The following FIGNL2 variants were observed in gnomAD, a reference collection of about 807,000 sequenced individuals.
The protein encoded by FIGNL2 is fidgetin like 2.
For synonymous variants in FIGNL2, 565 were observed against 484.0 expected, an observed-to-expected ratio of 1.17 and a Z score of -2.20; for missense variants, 1,060 against 950.2, an observed-to-expected ratio of 1.12 and a Z score of -1.52.
At position 51,834,326 on chromosome 12, in the gene FIGNL2, C is replaced by T. The variant is rs377171574; in HGVS notation, c.-11-11902G>A. ...TCTGTGAACACCAGAGGAAAGTGTC[C>T]AGCCCCCAAAGGCACCTATCTCAGC... On this transcript the variant is annotated intron_variant, in intron 1 of 1. Transcript: ENST00000618634. Among the ~76,000 whole-genome samples the T allele has an allele frequency of 2.6e-5, 4 of 152,020 alleles. No homozygotes were observed. The South Asian group carries it at 6.2e-4, about 24-fold the overall frequency.
chr12:51,846,283 T>C (rs1048915368), intron 1 of FIGNL2, among the ~76,000 whole-genome samples: 1 of 152,084 alleles, frequency 6.6e-6, no homozygotes, highest in Admixed American at 6.6e-5. Flanking sequence ...TGACAGAAGC[T>C]CGGGGCTGGG....
intron 1 of FIGNL2, among the ~76,000 whole-genome samples, chr12:51,831,148 G>A (rs1257133978): frequency 2.6e-5 from 4 of 152,020 alleles, no homozygotes; most frequent in African/African-American, 9.7e-5. Context: ...TTGTGCAAAT[G>A]AAGAATTACA....
Position 51,821,889 on chromosome 12 carries a change from C to A in FIGNL2, c.525G>T (p.Thr175=), listed in dbSNP as rs768216876. Residue 175 remains threonine (T), a synonymous_variant, in exon 2 of 2, where the codon ACG becomes ACT. Transcript: ENST00000618634. ...GYLAPGYCAQ[T]GAALPPPPPA... ...GGGGCGGCGGGGGCAGCGCGGCGCC[C>A]GTCTGCGCGCAGTAACCCGGCGCCA... The A allele has an allele frequency of 3.6e-6, 5 of 1,395,368 alleles. No homozygotes were observed. Among genetic ancestry groups the A allele is most frequent in the South Asian group, 3.3e-5 (2 of 60,138 alleles). 86.4% of individuals were successfully genotyped at this position (1,395,368 alleles called of 1,614,324 possible).
Position 51,820,911 on chromosome 12 carries a change from G to A in FIGNL2, c.1503C>T (p.Asp501=). 1 of 1,331,216 alleles carries A rather than the reference G, an allele frequency of 7.5e-7. No individual in the cohort carries two copies. Among genetic ancestry groups the A allele is most frequent in the African/African-American group, 1.6e-5 (1 of 64,438 alleles). 82.5% of individuals were successfully genotyped at this position (1,331,216 alleles called of 1,614,324 possible). ...GCGCGCCCCCTGCCGCCGCGCCGTC[G>A]TCCCGGGCGGGGAGCAGCGCCTCTA... ...SELEALLPAR[D]DGAAAGGALQ... is the part of the protein sequence containing the mutation. Residue 501 remains aspartate (D), a synonymous_variant, in exon 2 of 2, where the codon GAC becomes GAT. Transcript: ENST00000618634.
intron 1 of FIGNL2, among the ~76,000 whole-genome samples, chr12:51,833,867 T>C (rs1467385381): frequency 6.6e-6 from 1 of 152,130 alleles, no homozygotes; most frequent in Non-Finnish European, 1.5e-5. Flanking sequence ...GGACTTTGTT[T>C]TGTTCACTGT....
intron 1 of FIGNL2, chr12:51,835,633 A>G (rs1039702053): frequency 3.3e-5 from 5 of 152,198 alleles, no homozygotes; most frequent in Non-Finnish European, 5.9e-5. Flanking sequence ...TACTAGCCAC[A>G]TTCCATATGT....
chr12:51,848,586 C>A lies in FIGNL2; in HGVS notation c.-58G>T. The A allele has an allele frequency of 1.0e-6, 1 of 976,134 alleles. No individual in the cohort carries two copies. Among genetic ancestry groups the A allele is most frequent in the South Asian group, 4.7e-5 (1 of 21,120 alleles). 60.5% of individuals were successfully genotyped at this position (976,134 alleles called of 1,614,324 possible). On this transcript the variant is annotated 5_prime_UTR_variant, in exon 1 of 2. Coordinates refer to ENST00000618634, the MANE Select transcript of FIGNL2 (RefSeq NM_001384995.1). ...TAGGTGAGTGTGCGCGGCCTGGGGG[C>A]GCGTCCGGCCCGGGGACCGGGGCGG...
chr12:51,821,747 G>A lies in FIGNL2; in HGVS notation c.667C>T (p.Pro223Ser). 7.8e-7 allele frequency: 1 copy of A among 1,287,462 alleles called. No homozygotes were observed. Among genetic ancestry groups the A allele is most frequent in the South Asian group, 2.6e-5 (1 of 37,880 alleles). 79.8% of individuals were successfully genotyped at this position (1,287,462 alleles called of 1,614,324 possible). The change falls in exon 2 of 2, where the codon CCA (proline) becomes TCA (serine). Residue 223 changes from proline (P) to serine (S), a missense_variant. Physicochemically the swap from Pro to Ser is moderately conservative, Grantham distance 74 (BLOSUM62 -1). Transcript: ENST00000618634. Reference protein sequence around the residue: ...QPGYGALPPPPGPPPAPYLTP... With the variant: ...QPGYGALPPPSGPPPAPYLTP... ...AGGTAGGGGGCCGGGGGTGGGCCTG[G>A]GGGCGGCGGGAGCGCGCCATAGCCG... is the stretch of plus-strand genomic sequence containing the variant.
At chr12:51,829,258 C>T (rs911334984) in intron 1 of FIGNL2, among the ~76,000 whole-genome samples, 7 of 152,230 alleles carry the variant, frequency 4.6e-5, no homozygotes, top group South Asian at 4.1e-4. Context: ...GCCTTTTGTC[C>T]CAGGCTTTTT....
Position 51,822,408 on chromosome 12 carries a change from G to T in FIGNL2, c.6C>A (p.His2Gln). The T allele has an allele frequency of 5.0e-6, 8 of 1,613,558 alleles. No individual in the cohort carries two copies. Among genetic ancestry groups the T allele is most frequent in the South Asian group, 2.2e-5 (2 of 90,938 alleles). Residue 2 changes from histidine (H) to glutamine (Q), a missense_variant, in exon 2 of 2, where the codon CAC (histidine) becomes CAA (glutamine). By Grantham distance (24) the His-to-Gln change is conservative. Coordinates refer to ENST00000618634, the MANE Select transcript of FIGNL2 (RefSeq NM_001384995.1). M[H>Q]WTPEHAQPLN... is the part of the protein sequence containing the mutation. ...GGGGCTGGGCGTGTTCTGGTGTCCA[G>T]TGCATCTTCAACAGAGCTGCGGGCA...
intron 1 of FIGNL2, chr12:51,844,907 T>C (rs1017090144): frequency 1.0e-6 from 1 of 980,918 alleles, no homozygotes; most frequent in African/African-American, 1.8e-5. Flanking sequence ...AATATGGCCA[T>C]GGAGTGAGCA....
In FIGNL2 at chr12:51,821,015, C is replaced by T; in HGVS notation, c.1399G>A (p.Ala467Thr). 1 of 1,172,484 alleles carries T rather than the reference C, an allele frequency of 8.5e-7. No homozygotes were observed. The highest frequency in any genetic ancestry group is 1.1e-6 in the Non-Finnish European group (1 of 951,902). The allele number at this position is 1,172,484 out of a possible 1,614,324, so 72.6% of individuals were successfully genotyped here. A position where few individuals can be genotyped will look rare whatever the true frequency, so the allele number is the denominator to read the frequency against. The stretch of plus-strand genomic sequence containing the variant: ...GCCTGGAGGAGGCGCGCGCCCTCGG[C>T]GGCGCCGGGCGCAGCCAGGGTCGCG... Reference protein sequence around the residue: ...RGATLAAPGAAEGARLLQAAF... With the variant: ...RGATLAAPGATEGARLLQAAF... The change falls in exon 2 of 2, where the codon GCC (alanine) becomes ACC (threonine). Residue 467 changes from alanine to threonine, a missense_variant. By Grantham distance (58) the Ala-to-Thr change is moderately conservative. Transcript: ENST00000618634.
Position 51,820,315 on chromosome 12 carries a change from C to T in FIGNL2, c.*137G>A, listed in dbSNP as rs1565940780. Reference sequence around the variant, plus strand: ...TTCCCACGAAAAAAAAAATATCCACCGGCAGACCCCTCCTGTCCCCGATCC... The same window carrying T: ...TTCCCACGAAAAAAAAAATATCCACTGGCAGACCCCTCCTGTCCCCGATCC... On this transcript the variant is annotated 3_prime_UTR_variant, in exon 2 of 2. Transcript: ENST00000618634. The T allele has an allele frequency of 2.6e-6, 3 of 1,158,580 alleles. No homozygotes were observed. Among genetic ancestry groups the T allele is most frequent in the East Asian group, 2.9e-5 (1 of 34,738 alleles). The allele number at this position is 1,158,580 out of a possible 1,614,324, so 71.8% of individuals were successfully genotyped here. A position where few individuals can be genotyped will look rare whatever the true frequency, so the allele number is the denominator to read the frequency against.
chr12:51,827,756 G>A lies in FIGNL2; in HGVS notation c.-11-5332C>T, dbSNP rs975813474. On this transcript the variant is annotated intron_variant, in intron 1 of 1. Coordinates refer to ENST00000618634, the MANE Select transcript of FIGNL2 (RefSeq NM_001384995.1). ...AGGTTCCTTCCAGTTCTAATATGACGGGCCAGTAGCTGACGCCATTTCCCC... is the reference window on the plus strand; with the variant it reads ...AGGTTCCTTCCAGTTCTAATATGACAGGCCAGTAGCTGACGCCATTTCCCC... 2.6e-5 allele frequency among the ~76,000 whole-genome samples: 4 copies of A among 152,168 alleles called. No individual in the cohort carries two copies. The East Asian group carries it at 5.8e-4, about 22-fold the overall frequency.
rs57362067 is a variant in FIGNL2, at chr12:51,818,617, A to G, written c.*1835T>C. 33,338 of 152,274 alleles carry G rather than the reference A, an allele frequency of 0.22. 4,215 individuals are homozygous for G. The highest frequency in any genetic ancestry group is 0.4 in the East Asian group (2,036 of 5,106). 9.4% of individuals were successfully genotyped at this position (152,274 alleles called of 1,614,324 possible). A position where few individuals can be genotyped will look rare whatever the true frequency, so the allele number is the denominator to read the frequency against. ...CCCTGGGTGCCAGGGCCCCTGAAAGATCCCCCCCAGACACCCTCCCAGCCA... is the reference window on the plus strand; with the variant it reads ...CCCTGGGTGCCAGGGCCCCTGAAAGGTCCCCCCCAGACACCCTCCCAGCCA... On this transcript the variant is annotated 3_prime_UTR_variant, in exon 2 of 2. Transcript: ENST00000618634.
Position 51,820,990 on chromosome 12 carries a change from G to A in FIGNL2, c.1424C>T (p.Ala475Val). The A allele has an allele frequency of 8.3e-7, 1 of 1,202,536 alleles. No individual in the cohort carries two copies. The highest frequency in any genetic ancestry group is 1.0e-6 in the Non-Finnish European group (1 of 971,008). The allele number at this position is 1,202,536 out of a possible 1,614,324, so 74.5% of individuals were successfully genotyped here. A position where few individuals can be genotyped will look rare whatever the true frequency, so the allele number is the denominator to read the frequency against. Reference protein sequence around the residue: ...GAAEGARLLQAAFAAARCRPP... With the variant: ...GAAEGARLLQVAFAAARCRPP... The stretch of plus-strand genomic sequence containing the variant: ...GCGGCAGCGCGCGGCCGCGAAGGCG[G>A]CCTGGAGGAGGCGCGCGCCCTCGGC... Residue 475 changes from alanine to valine, a missense_variant, in exon 2 of 2, where the codon GCC (alanine) becomes GTC (valine). Physicochemically the swap from Ala to Val is moderately conservative, Grantham distance 64. Transcript: ENST00000618634.
Position 51,820,782 on chromosome 12 carries a change from C to A in FIGNL2, c.1632G>T (p.Ala544=), listed in dbSNP as rs1025569199. ...TTSRPAALDE[A]TRRRFSLRFY... is the part of the protein sequence containing the mutation. ...AGCGGAGAGAGAAGCGCCGGCGGGT[C>A]GCCTCGTCCAGAGCCGCGGGCCGCG... is the stretch of plus-strand genomic sequence containing the variant. The change falls in exon 2 of 2, where the codon GCG becomes GCT. Residue 544 remains alanine (A), a synonymous_variant. Coordinates refer to ENST00000618634, the MANE Select transcript of FIGNL2 (RefSeq NM_001384995.1). 2 of 1,479,966 alleles carry A rather than the reference C, an allele frequency of 1.4e-6. No individual in the cohort carries two copies. The highest frequency in any genetic ancestry group is 8.9e-7 in the Non-Finnish European group (1 of 1,123,976). The allele number at this position is 1,479,966 out of a possible 1,614,324, so 91.7% of individuals were successfully genotyped here. A position where few individuals can be genotyped will look rare whatever the true frequency, so the allele number is the denominator to read the frequency against.
intron 1 of FIGNL2, chr12:51,823,382 C>A (rs1299604877): frequency 5.3e-5 from 8 of 152,152 alleles, no homozygotes; most frequent in Non-Finnish European, 1.0e-4. Context: ...AAAAAAACAC[C>A]ATTACTCAAA....
intron 1 of FIGNL2, among the ~76,000 whole-genome samples, chr12:51,825,248 C>G (rs538496099): frequency 3.3e-5 from 5 of 152,264 alleles, no homozygotes; most frequent in Admixed American, 3.3e-4. Flanking sequence ...ATCCTACCCA[C>G]TAAGGGCACA....
Sources: gnomAD v4.1 joint callset for allele counts (sites outside exome capture counted in the v4.1 genomes callset) on GRCh38, gnomAD v4.1.1 for gene constraint, MANE v1.5 for transcripts, NCBI Gene and HGNC (gene_info 2026-07-23, HGNC 2026-07-21) for gene names.